SGMS2: variants seen among roughly 807,000 people sequenced by gnomAD.
SGMS2 encodes phosphatidylcholine:ceramide cholinephosphotransferase 2.
A neutral mutation model predicts 43.8 loss-of-function variants in SGMS2; 21 were observed. That is an observed-to-expected ratio of 0.48 (90% CI 0.34 to 0.69). The LOEUF is 0.69. Ranked by LOEUF, SGMS2 falls within the 30% of genes least tolerant of loss-of-function variation. SGMS2 has a pLI of 0.01. For missense variants in SGMS2, 384 were observed against 443.2 expected (o/e 0.87, Z 1.20); for synonymous variants, 167 against 160.6 (o/e 1.04, Z -0.30).
chr4:107,877,913 C>CTTTTTTTTTTTTTTTTT (rs774442653), intron 2 of SGMS2, among the ~76,000 whole-genome samples: 6 of 102,176 alleles, frequency 5.9e-5, no homozygotes, highest in African/African-American at 1.2e-4. Flanking sequence ...TTTTTCTTTT[C>CTTTTTTTTTTTTTTTTT]TTTTTTTTTT....
chr4:107,899,637 C>T lies in SGMS2; in HGVS notation c.518C>T (p.Thr173Ile). ...ACTTTATACCTGTATCGCTGCATTA[C>T]AATGTATGTTACTACTCTACCTGTG... ...IGTLYLYRCI[T>I]MYVTTLPVPG... is the part of the protein sequence containing the mutation. Residue 173 changes from threonine to isoleucine, a missense_variant, in exon 4 of 7, where the codon ACA becomes ATA. By Grantham distance (89) the Thr-to-Ile change is moderately conservative (BLOSUM62 -1). Coordinates refer to ENST00000690982, the MANE Select transcript of SGMS2 (RefSeq NM_001375905.1). 1 of 1,613,282 alleles carries T rather than the reference C, an allele frequency of 6.2e-7. No homozygotes were observed. Among genetic ancestry groups the T allele is most frequent in the Non-Finnish European group, 8.5e-7 (1 of 1,179,608 alleles).
intron 1 of SGMS2, among the ~76,000 whole-genome samples, chr4:107,856,968 A>G (rs1727464778): frequency 6.6e-6 from 1 of 152,182 alleles, no homozygotes; most frequent in Non-Finnish European, 1.5e-5. Context: ...ATTTAATTCT[A>G]GAATATTTAC....
intron 1 of SGMS2, among the ~76,000 whole-genome samples, chr4:107,848,552 C>A (rs924656715): frequency 1.1e-4 from 17 of 152,158 alleles, no homozygotes; most frequent in African/African-American, 4.1e-4. Flanking sequence ...ATGAGAGTTC[C>A]TGTTGCTCCA....
At chr4:107,827,335 C>T (rs952828403) in intron 1 of SGMS2, among the ~76,000 whole-genome samples, 1 of 152,052 alleles carries the variant, frequency 6.6e-6, no homozygotes, top group Non-Finnish European at 1.5e-5. Flanking sequence ...GCAATGCAAA[C>T]GAAGGAGATA....
At chr4:107,856,198 T>C (rs1241189922) in intron 1 of SGMS2, among the ~76,000 whole-genome samples, 1 of 152,212 alleles carries the variant, frequency 6.6e-6, no homozygotes, top group Non-Finnish European at 1.5e-5. Context: ...TAATTTACTT[T>C]ATTCCTTTGT....
At chr4:107,891,963 A>G (rs1176109995) in intron 2 of SGMS2, among the ~76,000 whole-genome samples, 2 of 151,994 alleles carry the variant, frequency 1.3e-5, no homozygotes, top group Non-Finnish European at 1.5e-5. Context: ...TTGCTTATCT[A>G]TGTCTGCAGC....
At chr4:107,908,989 T>A (rs1260071329) in intron 6 of SGMS2, among the ~76,000 whole-genome samples, 3 of 152,164 alleles carry the variant, frequency 2.0e-5, no homozygotes, top group Non-Finnish European at 4.4e-5. Flanking sequence ...AAAAAATATA[T>A]GTACTAAATT....
In SGMS2 at chr4:107,908,750, C is replaced by A; in HGVS notation, c.894+19C>A. On this transcript the variant is annotated intron_variant, in intron 6 of 6. Transcript: ENST00000690982. ...TGAAAAGGTGAGAGCAGTGAAGATG[C>A]TTGGATAATTTCTTTTCTTTGAATG... is the stretch of plus-strand genomic sequence containing the variant. 6.2e-7 allele frequency: 1 copy of A among 1,603,006 alleles called. No individual in the cohort carries two copies.
At chr4:107,861,397 T>C (rs1356485858) in intron 2 of SGMS2, among the ~76,000 whole-genome samples, 1 of 152,224 alleles carries the variant, frequency 6.6e-6, no homozygotes, top group Non-Finnish European at 1.5e-5. Flanking sequence ...TTTCTACTTC[T>C]GGTTATATGC....
intron 2 of SGMS2, among the ~76,000 whole-genome samples, chr4:107,872,369 C>T (rs140947744): frequency 1.4e-3 from 217 of 152,154 alleles, no homozygotes; most frequent in Non-Finnish European, 2.0e-3. Context: ...GCTTTGTCTT[C>T]GTAGCAGTTT....
chr4:107,907,616 A>G (rs569656622), intron 5 of SGMS2, among the ~76,000 whole-genome samples: 1 of 152,308 alleles, frequency 6.6e-6, no homozygotes, highest in Non-Finnish European at 1.5e-5. Flanking sequence ...CCTCTCAAAA[A>G]ATAAATAAAT....
chr4:107,906,373 G>A (rs1387154975), intron 5 of SGMS2, among the ~76,000 whole-genome samples: 1 of 152,256 alleles, frequency 6.6e-6, no homozygotes, highest in East Asian at 1.9e-4. Flanking sequence ...TTGGGGGGTA[G>A]GTTCATGATA....
chr4:107,872,265 TATCTC>T (rs959264180), intron 2 of SGMS2, among the ~76,000 whole-genome samples: 13 of 152,134 alleles, frequency 8.5e-5, no homozygotes, highest in African/African-American at 2.7e-4. Context: ...AATTGAGTGT[TATCTC>T]ATAACACTCA....
At chr4:107,850,646 C>G (rs1009283235) in intron 1 of SGMS2, among the ~76,000 whole-genome samples, 6 of 152,096 alleles carry the variant, frequency 3.9e-5, no homozygotes, top group Non-Finnish European at 8.8e-5. Flanking sequence ...TTCACTTTCC[C>G]TTCCTATAGT....
intron 6 of SGMS2, 150 bp from the exon 7 acceptor site, chr4:107,910,200 A>G (rs1332966325): frequency 1.5e-6 from 1 of 674,368 alleles, no homozygotes; most frequent in Admixed American, 2.8e-5. Flanking sequence ...GAGTCATGGT[A>G]GAGTTAGGGA....
At chr4:107,901,350 G>A (rs1055192732) in intron 4 of SGMS2, among the ~76,000 whole-genome samples, 1 of 152,168 alleles carries the variant, frequency 6.6e-6, no homozygotes, top group African/African-American at 2.4e-5. Flanking sequence ...TCTAAATTTG[G>A]TTCATCTGCT....
Position 107,910,492 on chromosome 4 carries a change from C to T in SGMS2, c.1037C>T (p.Ser346Leu), listed in dbSNP as rs747962673. 1 of 1,614,008 alleles carries T rather than the reference C, an allele frequency of 6.2e-7. No individual in the cohort carries two copies. The highest frequency in any genetic ancestry group is 1.3e-5 in the African/African-American group (1 of 75,028). ...PLSWPPGCFKSSCKKYSRVQK... is the reference protein window; with the variant it reads ...PLSWPPGCFKLSCKKYSRVQK... ...TCTTGGCCTCCTGGCTGCTTCAAAT[C>T]ATCATGCAAAAAGTATTCACGGGTT... The change falls in exon 7 of 7, where the codon TCA becomes TTA. Residue 346 changes from serine to leucine, a missense_variant. Transcript: ENST00000690982.
At chr4:107,866,367 A>G (rs1170729609) in intron 2 of SGMS2, among the ~76,000 whole-genome samples, 1 of 152,130 alleles carries the variant, frequency 6.6e-6, no homozygotes, top group Non-Finnish European at 1.5e-5. Flanking sequence ...GGAGTTGGAG[A>G]CCAGCCTGGC....
intron 3 of SGMS2, among the ~76,000 whole-genome samples, chr4:107,897,837 G>A (rs1029691202): frequency 2.6e-5 from 4 of 152,132 alleles, no homozygotes; most frequent in African/African-American, 9.7e-5. Flanking sequence ...AGCTGAATGA[G>A]GAATGTTGCT....
Sources: allele counts gnomAD v4.1 joint callset (sites outside exome capture counted in the v4.1 genomes callset), GRCh38; gene constraint gnomAD v4.1.1; transcripts MANE v1.5; gene names NCBI Gene and HGNC (gene_info 2026-07-23, HGNC 2026-07-21).